Variants in ACSM5 observed in about 807,000 individuals in gnomAD.
ACSM5 encodes the protein acyl-CoA synthetase medium chain family member 5.
In ACSM5, 56 loss-of-function variants were observed where a neutral mutation model predicts 71.6. That is an observed-to-expected ratio of 0.78 (90% confidence interval 0.63 to 0.98). The LOEUF (loss-of-function observed/expected upper bound fraction) is 0.98, where lower values mean the gene tolerates loss of function less well. Ranked by LOEUF, ACSM5 falls within the 50% of genes least tolerant of loss-of-function variation. The pLI is 0.00. For synonymous variants in ACSM5, 285 were observed against 281.5 expected, an observed-to-expected ratio of 1.01 and a Z score of -0.12; for missense variants, 723 against 726.0, an observed-to-expected ratio of 1.00 and a Z score of 0.05.
chr16:20,440,334 T>C lies in ACSM5; in HGVS notation c.1657-10T>C. ...TTCCAAGTGTTTTTTGTTTTGTGTT[T>C]GGTCACTAGGTGGCCTTTGTTTCAG... On this transcript the variant is annotated splice_polypyrimidine_tract_variant and intron_variant, in intron 13 of 13. Coordinates refer to ENST00000331849, the MANE Select transcript of ACSM5 (RefSeq NM_017888.3). 1 of 1,517,560 alleles carries C rather than the reference T, an allele frequency of 6.6e-7. No homozygotes were observed. The highest frequency in any genetic ancestry group is 2.2e-5 in the East Asian group (1 of 44,550). 94.0% of individuals were successfully genotyped at this position (1,517,560 alleles called of 1,614,324 possible).
chr16:20,429,248 A>G (rs12927598), intron 7 of ACSM5, among the ~76,000 whole-genome samples: 1 of 152,080 alleles, frequency 6.6e-6, no homozygotes, highest in South Asian at 2.1e-4. Flanking sequence ...CCTGAGATCA[A>G]GCAATCTGCC....
Position 20,421,321 on chromosome 16 carries a change from T to C in ACSM5, c.687T>C (p.Phe229=), listed in dbSNP as rs145893840. 4.2e-5 allele frequency: 68 copies of C among 1,610,252 alleles called. 2 individuals carry two copies. Among genetic ancestry groups the C allele is most frequent in the South Asian group, 3.2e-4 (29 of 90,364 alleles). ...GTCGAGACCCGCTGGCCATCTACTT[T>C]ACCAGCGGAACCACCGGGGCCCCCA... ...TKSRDPLAIY[F]TSGTTGAPKM... is the part of the protein sequence containing the mutation. The change falls in exon 5 of 14, where the codon TTT becomes TTC. Residue 229 remains phenylalanine, a synonymous_variant. Coordinates refer to ENST00000331849, the MANE Select transcript of ACSM5 (RefSeq NM_017888.3).
At chr16:20,429,194 G>A (rs116934567) in intron 7 of ACSM5, among the ~76,000 whole-genome samples, 13,049 of 151,806 alleles carry the variant, frequency 0.086, 687 homozygotes, top group East Asian at 0.19. Flanking sequence ...GTATTTTTCG[G>A]TAGAGACGGG....
In ACSM5 at chr16:20,411,255, CA is replaced by C. The variant is rs575057431; in HGVS notation, c.-15-213del. On this transcript the variant is annotated intron_variant, in intron 1 of 13. Coordinates refer to ENST00000331849, the MANE Select transcript of ACSM5 (RefSeq NM_017888.3). ...TTCTGACCTCAGACCCAGATACCCACAAGTCAGTGAGAGGTCAAAAGGACAG... is the reference window on the plus strand; with the variant it reads ...TTCTGACCTCAGACCCAGATACCCACAGTCAGTGAGAGGTCAAAAGGACAG... Among the ~76,000 whole-genome samples, 32 of 152,286 alleles carry C rather than the reference CA, an allele frequency of 2.1e-4. No homozygotes were observed. The East Asian group carries it at 6.2e-3, about 29-fold the overall frequency.
chr16:20,424,450 A>G (rs960094791), intron 6 of ACSM5, among the ~76,000 whole-genome samples: 3 of 152,154 alleles, frequency 2.0e-5, no homozygotes, highest in Non-Finnish European at 4.4e-5. Flanking sequence ...CCAACTAGAG[A>G]GTCCTGGTGA....
intron 2 of ACSM5, among the ~76,000 whole-genome samples, chr16:20,417,827 G>A (rs1456983017): frequency 6.6e-6 from 1 of 152,112 alleles, no homozygotes; most frequent in Non-Finnish European, 1.5e-5. Flanking sequence ...ACTATGGAAG[G>A]ATATGCAAAA....
At chr16:20,424,389 T>C (rs147324617) in intron 6 of ACSM5, among the ~76,000 whole-genome samples, 82 of 152,306 alleles carry the variant, frequency 5.4e-4, no homozygotes, top group African/African-American at 1.8e-3. Flanking sequence ...AATCAGTCTA[T>C]GCCTCAACTC....
At chr16:20,427,726 C>T (rs1567344519) in intron 6 of ACSM5, 62 bp from the exon 7 acceptor site, 1 of 1,125,084 alleles carries the variant, frequency 8.9e-7, no homozygotes, top group Non-Finnish European at 1.4e-6. Context: ...GCATTTGGCT[C>T]CATCTTCATG....
chr16:20,425,190 T>G (rs1966954128), intron 6 of ACSM5, among the ~76,000 whole-genome samples: 1 of 152,192 alleles, frequency 6.6e-6, no homozygotes, highest in African/African-American at 2.4e-5. Flanking sequence ...AATCTCTATT[T>G]CCATGAGTTC....
chr16:20,433,270 T>G (rs1240232119), intron 10 of ACSM5, among the ~76,000 whole-genome samples: 1 of 152,238 alleles, frequency 6.6e-6, no homozygotes, highest in African/African-American at 2.4e-5. Flanking sequence ...TGAGTTTTGA[T>G]AAGCTAAGCT....
chr16:20,427,781 T>C lies in ACSM5; in HGVS notation c.922-7T>C. ...AAGGACATCTTTCACCCTTTGTTTT[T>C]GTTTAGACTCTCTCCAAATTCCCGA... is the stretch of plus-strand genomic sequence containing the variant. On this transcript the variant is annotated splice_region_variant and splice_polypyrimidine_tract_variant and intron_variant, in intron 6 of 13. Transcript: ENST00000331849. The C allele has an allele frequency of 6.2e-7, 1 of 1,606,892 alleles. No individual in the cohort carries two copies. Among genetic ancestry groups the C allele is most frequent in the South Asian group, 1.1e-5 (1 of 90,918 alleles).
At chr16:20,418,371 T>A in intron 3 of ACSM5, 102 bp downstream of exon 3, 2 of 1,166,842 alleles carry the variant, frequency 1.7e-6, no homozygotes, top group Admixed American at 5.4e-5. Context: ...ATAAACTGTA[T>A]GTGGAGTTGT....
chr16:20,427,431 C>A (rs1967005078), intron 6 of ACSM5, among the ~76,000 whole-genome samples: 1 of 152,232 alleles, frequency 6.6e-6, no homozygotes, highest in Admixed American at 6.5e-5. Context: ...TGAGCATACT[C>A]AAAACATGGT....
intron 7 of ACSM5, 106 bp downstream of exon 7, chr16:20,427,973 G>A (rs1967022824): frequency 1.2e-6 from 1 of 854,928 alleles, no homozygotes; most frequent in Admixed American, 1.8e-5. Flanking sequence ...TTCTTTCTCT[G>A]TCTCTCCCTC....
In ACSM5 at chr16:20,409,662, C is replaced by A. The variant is rs1966843666; in HGVS notation, c.-19C>A. On this transcript the variant is annotated 5_prime_UTR_variant, in exon 1 of 14. Coordinates refer to ENST00000331849, the MANE Select transcript of ACSM5 (RefSeq NM_017888.3). ...CTTTTGCATTACTTTGGTTCAAGAG[C>A]AAGGTAATTTGGAAAGAAATTTTTC... The A allele has an allele frequency of 6.6e-6, 1 of 152,146 alleles. No homozygotes were observed. Among genetic ancestry groups the A allele is most frequent in the Non-Finnish European group, 1.5e-5 (1 of 68,056 alleles). 9.4% of individuals were successfully genotyped at this position (152,146 alleles called of 1,614,324 possible). A position where few individuals can be genotyped will look rare whatever the true frequency, so the allele number is the denominator to read the frequency against.
chr16:20,425,990 T>C (rs576294371), intron 6 of ACSM5, among the ~76,000 whole-genome samples: 7 of 152,344 alleles, frequency 4.6e-5, no homozygotes, highest in African/African-American at 1.4e-4. Flanking sequence ...CTTTTAGTTC[T>C]TTAAGGAATC....
Position 20,437,367 on chromosome 16 carries a change from G to A in ACSM5, c.1536G>A (p.Glu512=), listed in dbSNP as rs1967224533. 1 of 1,606,258 alleles carries A rather than the reference G, an allele frequency of 6.2e-7. No homozygotes were observed. The highest frequency in any genetic ancestry group is 1.3e-5 in the African/African-American group (1 of 74,608). ...VVSSPDPIRG[E]VVKAFIVLTP... ...GCAGCCCAGACCCCATCAGGGGAGA[G>A]GTAACCAGTGCACCCAAGAACATGG... Residue 512 remains glutamate, a splice_region_variant and synonymous_variant, in exon 12 of 14, where the codon GAG becomes GAA. Coordinates refer to ENST00000331849, the MANE Select transcript of ACSM5 (RefSeq NM_017888.3).
intron 2 of ACSM5, among the ~76,000 whole-genome samples, chr16:20,416,171 C>T (rs907096581): frequency 6.6e-5 from 10 of 151,350 alleles, no homozygotes; most frequent in Non-Finnish European, 1.2e-4. Flanking sequence ...AATTGAGCTG[C>T]ACATTTAATG....
intron 8 of ACSM5, among the ~76,000 whole-genome samples, chr16:20,430,077 A>G (rs980510680): frequency 2.0e-5 from 3 of 152,026 alleles, no homozygotes; most frequent in Non-Finnish European, 4.4e-5. Flanking sequence ...TGAAGGTAAA[A>G]AAACTACGTA....
Sources: allele counts gnomAD v4.1 joint callset (sites outside exome capture counted in the v4.1 genomes callset), GRCh38; gene constraint gnomAD v4.1.1; transcripts MANE v1.5; gene names NCBI Gene and HGNC (gene_info 2026-07-23, HGNC 2026-07-21).